CEACAM20: variants seen among roughly 807,000 people sequenced by gnomAD.
CEACAM20 encodes CEA cell adhesion molecule 20.
CEACAM20 carries 50 observed loss-of-function variants against 61.2 expected under a neutral mutation model. The ratio of observed to expected loss-of-function variants is 0.82; its 90% CI spans 0.65 to 1.03. The LOEUF (loss-of-function observed/expected upper bound fraction) is 1.03, where lower values mean the gene tolerates loss of function less well. Ranked by LOEUF, CEACAM20 falls within the 50% of genes least tolerant of loss-of-function variation. The pLI, the probability that CEACAM20 is intolerant of heterozygous loss-of-function variation, is 0.00. For missense variants in CEACAM20, 683 were observed against 736.4 expected, an observed-to-expected ratio of 0.93 and a Z score of 0.84; for synonymous variants, 282 against 287.7, an observed-to-expected ratio of 0.98 and a Z score of 0.20.
intron 6 of CEACAM20, among the ~76,000 whole-genome samples, chr19:44,516,184 A>G (rs762002106): frequency 7.9e-5 from 12 of 152,238 alleles, no homozygotes; most frequent in Non-Finnish European, 1.5e-4. Context: ...AACTAAAGAC[A>G]GAGATACAGG....
chr19:44,513,429 G>A (rs1334834882), intron 6 of CEACAM20, 140 bp from the exon 7 acceptor site: 1 of 504,216 alleles, frequency 2.0e-6, no homozygotes, highest in Non-Finnish European at 3.4e-6. Context: ...ATCAGATTGT[G>A]GTTTTTGGTT....
intron 1 of CEACAM20, among the ~76,000 whole-genome samples, 173 bp downstream of exon 1, chr19:44,529,284 TG>T (rs1971636786): frequency 6.6e-6 from 1 of 151,880 alleles, no homozygotes; most frequent in African/African-American, 2.4e-5. Context: ...TATCTGTATC[TG>T]TCTTTATTTC....
At chr19:44,520,908 G>A (rs558059616) in intron 4 of CEACAM20, among the ~76,000 whole-genome samples, 156 bp from the exon 5 acceptor site, 21 of 152,100 alleles carry the variant, frequency 1.4e-4, no homozygotes, top group East Asian at 7.7e-4. Context: ...GCTGGTGTGC[G>A]GGGTACGTGT....
At chr19:44,520,813 G>A (rs1205144864) in intron 4 of CEACAM20, 61 bp from the exon 5 acceptor site, 1 of 1,547,802 alleles carries the variant, frequency 6.5e-7, no homozygotes, top group East Asian at 2.3e-5. Flanking sequence ...TCCTGCCCTT[G>A]TGGGGCCCAC....
intron 3 of CEACAM20, among the ~76,000 whole-genome samples, chr19:44,523,342 G>A (rs1466630445): frequency 6.6e-6 from 1 of 152,164 alleles, no homozygotes; most frequent in African/African-American, 2.4e-5. Context: ...CCAGGAGGTC[G>A]AGGCTGCATT....
In CEACAM20 at chr19:44,512,094, CTCAG is replaced by C. The variant is rs778238939; in HGVS notation, c.1514-20_1514-17del. 1.3e-6 allele frequency: 2 copies of C among 1,596,592 alleles called. No homozygotes were observed. The highest frequency in any genetic ancestry group is 2.7e-5 in the African/African-American group (2 of 74,756). ...CTCAGGCTTTCTAGAAAAAGTGAAT[CTCAG>C]TCAGGAGCTGGAGTTCGAAAGAGAT... is the stretch of plus-strand genomic sequence containing the variant. On this transcript the variant is annotated splice_polypyrimidine_tract_variant and intron_variant, in intron 8 of 11. Transcript: ENST00000614924.
chr19:44,519,953 G>A (rs1298197951), intron 5 of CEACAM20, among the ~76,000 whole-genome samples: 1 of 152,236 alleles, frequency 6.6e-6, no homozygotes, highest in Middle Eastern at 3.4e-3. Context: ...TGGTTATCCA[G>A]GTGCTTCCAT....
intron 6 of CEACAM20, among the ~76,000 whole-genome samples, chr19:44,513,526 C>A (rs764191341): frequency 6.7e-6 from 1 of 149,726 alleles, no homozygotes; most frequent in South Asian, 2.1e-4. Flanking sequence ...TCACTGCAAC[C>A]TCCAGGTTCA....
At position 44,528,235 on chromosome 19, in the gene CEACAM20, TTTTTC is replaced by T. The variant is rs201224115; in HGVS notation, c.52+1218_52+1222del. On this transcript the variant is annotated intron_variant, in intron 1 of 11. Transcript: ENST00000614924. ...TCTCCCTTTCCCTCTTTCTTTCTTC[TTTTTC>T]TTTTTTTTGACAGAGTCTTACTCTG... Among the ~76,000 whole-genome samples the T allele has an allele frequency of 9.9e-3, 1,487 of 150,554 alleles. 27 individuals are homozygous for T. Among genetic ancestry groups the T allele is most frequent in the African/African-American group, 0.035 (1,428 of 40,258 alleles).
chr19:44,517,219 G>A lies in CEACAM20; in HGVS notation c.1036C>T (p.Pro346Ser), dbSNP rs761936517. The A allele has an allele frequency of 1.2e-6, 2 of 1,604,204 alleles. No individual in the cohort carries two copies. The highest frequency in any genetic ancestry group is 1.3e-5 in the African/African-American group (1 of 75,002). The stretch of plus-strand genomic sequence containing the variant: ...TCCCTGGTGATGTGCACTTGGTCAG[G>A]ACCATCTGTGTGTAAAGCCAAACGT... ...EPLELTINYGPDQVHITRESA... is the reference protein window; with the variant it reads ...EPLELTINYGSDQVHITRESA... Residue 346 changes from proline to serine, a missense_variant, in exon 6 of 12, where the codon CCT becomes TCT. Pro to Ser is a moderately conservative substitution (Grantham distance 74). Transcript: ENST00000614924.
intron 5 of CEACAM20, among the ~76,000 whole-genome samples, chr19:44,520,113 G>A (rs140265732): frequency 1.8e-3 from 274 of 152,196 alleles, no homozygotes; most frequent in African/African-American, 4.3e-3. Context: ...GAATAATCCC[G>A]TTAATCCCAC....
rs540639098 is a variant in CEACAM20 at position 44,516,313 on chromosome 19, A to C, written c.1309+633T>G. On this transcript the variant is annotated intron_variant, in intron 6 of 11. Transcript: ENST00000614924. ...TTGTCCTTCTAAGCAACTCTGAAAG[A>C]TAGGCATCACGATATGATTTGGCTG... Among the ~76,000 whole-genome samples the C allele has an allele frequency of 3.3e-5, 5 of 152,270 alleles. No homozygotes were observed. In the South Asian group the frequency reaches 1.0e-3, roughly 32 times the overall value.
At position 44,522,786 on chromosome 19, in the gene CEACAM20, G is replaced by C; in HGVS notation, c.599C>G (p.Thr200Ser). Residue 200 changes from threonine (T) to serine (S), a missense_variant, in exon 4 of 12, where the codon ACT becomes AGT. Transcript: ENST00000614924. ...ETKSHPPCAY[T>S]WFLLDSILSH... ...CAGAATGGAGTCAAGGAGAAACCAA[G>C]TATAGGCACAGGGTGGGTGAGACTT... 1 of 1,613,878 alleles carries C rather than the reference G, an allele frequency of 6.2e-7. No individual in the cohort carries two copies. The highest frequency in any genetic ancestry group is 8.5e-7 in the Non-Finnish European group (1 of 1,179,866).
rs1050519764 is a variant in CEACAM20, at chr19:44,520,531, C to T, written c.973G>A (p.Glu325Lys). ...QRNDTGPYAC[E>K]VWNWGSRARS... ...GCCCGGCTGCCCCAGTTCCAGACCT[C>T]ACAGGCATAGGGCCCGGTGTCATTC... The change falls in exon 5 of 12, where the codon GAG becomes AAG. Residue 325 changes from glutamate (E) to lysine (K), a missense_variant. Transcript: ENST00000614924. 2 of 1,613,984 alleles carry T rather than the reference C, an allele frequency of 1.2e-6. No individual in the cohort carries two copies. Among genetic ancestry groups the T allele is most frequent in the African/African-American group, 1.3e-5 (1 of 75,060 alleles).
chr19:44,509,966 TAAG>T (rs1316237864), intron 11 of CEACAM20, among the ~76,000 whole-genome samples: 1 of 151,154 alleles, frequency 6.6e-6, no homozygotes, highest in Non-Finnish European at 1.5e-5. Context: ...TGGATGGAAA[TAAG>T]AAGACTGAAA....
chr19:44,521,684 T>C (rs1238791150), intron 4 of CEACAM20, among the ~76,000 whole-genome samples: 2 of 152,056 alleles, frequency 1.3e-5, no homozygotes, highest in Non-Finnish European at 2.9e-5. Context: ...TTACGTACTT[T>C]GTGATGAGTG....
In CEACAM20 at chr19:44,511,081, G is replaced by C. The variant is rs781222936; in HGVS notation, c.1686C>G (p.Pro562=). 4 of 1,613,790 alleles carry C rather than the reference G, an allele frequency of 2.5e-6. No homozygotes were observed. Among genetic ancestry groups the C allele is most frequent in the Non-Finnish European group, 3.4e-6 (4 of 1,179,864 alleles). Residue 562 remains proline, a synonymous_variant, in exon 11 of 12, where the codon CCC becomes CCG. Coordinates refer to ENST00000614924, the MANE Select transcript of CEACAM20 (RefSeq NM_001102597.3). The part of the protein sequence containing the change: ...PWKPPPKPLM[P]PLRLVSTVPK... ...GCACAGTGGAGACCAATCTGAGTGGGGGCATCAGAGGTTTGGGTGGTGGCT... is the reference window on the plus strand; with the variant it reads ...GCACAGTGGAGACCAATCTGAGTGGCGGCATCAGAGGTTTGGGTGGTGGCT...
Position 44,511,075 on chromosome 19 carries a change from G to A in CEACAM20, c.1692C>T (p.Leu564=), listed in dbSNP as rs779774719. The change falls in exon 11 of 12, where the codon CTC becomes CTT. Residue 564 remains leucine, a synonymous_variant. Transcript: ENST00000614924. ...TTTTTGGCACAGTGGAGACCAATCT[G>A]AGTGGGGGCATCAGAGGTTTGGGTG... The part of the protein sequence containing the change: ...KPPPKPLMPP[L]RLVSTVPKNM... 6.2e-7 allele frequency: 1 copy of A among 1,614,020 alleles called. No individual in the cohort carries two copies. Among genetic ancestry groups the A allele is most frequent in the Non-Finnish European group, 8.5e-7 (1 of 1,179,888 alleles).
chr19:44,506,824 G>A (rs939998458), intron 11 of CEACAM20, among the ~76,000 whole-genome samples: 1 of 152,214 alleles, frequency 6.6e-6, no homozygotes, highest in African/African-American at 2.4e-5. Context: ...CAGCCTTGCA[G>A]AAGAGCTAAC....
Sources: gnomAD v4.1 joint callset for allele counts (sites outside exome capture counted in the v4.1 genomes callset) on GRCh38, gnomAD v4.1.1 for gene constraint, MANE v1.5 for transcripts, NCBI Gene and HGNC (gene_info 2026-07-23, HGNC 2026-07-21) for gene names.